Variants in UGT2B11 observed in about 807,000 individuals in gnomAD.
UGT2B11 encodes UDP glucuronosyltransferase family 2 member B11.
Under a neutral mutation model 51.7 loss-of-function variants are expected in UGT2B11, and 49 were observed. That is an observed-to-expected ratio of 0.95 (90% CI 0.75 to 1.20). UGT2B11 has a LOEUF of 1.20. Among genes scored for constraint, UGT2B11 ranks in the 50% most tolerant of loss-of-function variants. UGT2B11 has a pLI of 0.00. For missense variants in UGT2B11, 810 were observed against 622.1 expected (o/e 1.30, Z -3.21); for synonymous variants, 273 against 209.0 (o/e 1.31, Z -2.64).
intron 1 of UGT2B11, 58 bp from the exon 2 acceptor site, chr4:69,212,779 T>C: frequency 1.3e-6 from 2 of 1,550,878 alleles, no homozygotes; most frequent in Non-Finnish European, 1.7e-6. Flanking sequence ...TTTACATACC[T>C]TTCTGAAAAA....
At chr4:69,220,355 CTGTT>C in the UGT2B11 span, among the ~76,000 whole-genome samples, 1 of 152,008 alleles carries the variant, frequency 6.6e-6, no homozygotes, top group Non-Finnish European at 1.5e-5. Flanking sequence ...ATGGTCTAAA[CTGTT>C]TGTGGATGTA....
intron 2 of UGT2B11, among the ~76,000 whole-genome samples, chr4:69,209,152 GA>G (rs1379616407): frequency 7.3e-5 from 11 of 151,702 alleles, no homozygotes; most frequent in African/African-American, 2.7e-4. Context: ...GAATTTTTAT[GA>G]ATCAGTCTTG....
chr4:69,209,711 C>T lies in UGT2B11; in HGVS notation c.871-1229G>A, dbSNP rs527371869. Among the ~76,000 whole-genome samples the T allele has an allele frequency of 8.5e-3, 1,283 of 151,538 alleles. 19 individuals carry two copies. Among genetic ancestry groups the T allele is most frequent in the African/African-American group, 0.029 (1,196 of 41,420 alleles). On this transcript the variant is annotated intron_variant, in intron 2 of 5. Coordinates refer to ENST00000446444, the MANE Select transcript of UGT2B11 (RefSeq NM_001073.3). Reference sequence around the variant, plus strand: ...TAATACCTGGGGCTTCTAGGTGTTGCGTGTGATTGCAGTTACCTGTAGCCA... The same window carrying T: ...TAATACCTGGGGCTTCTAGGTGTTGTGTGTGATTGCAGTTACCTGTAGCCA...
At chr4:69,223,204 A>C in the UGT2B11 span, among the ~76,000 whole-genome samples, 1 of 152,172 alleles carries the variant, frequency 6.6e-6, no homozygotes, top group Non-Finnish European at 1.5e-5. Flanking sequence ...GAAGACAATC[A>C]GCCACTTCTT....
At chr4:69,216,463 C>T (rs930471024), upstream of UGT2B11, 1 of 151,658 alleles carries the variant, frequency 6.6e-6, no homozygotes, top group Non-Finnish European at 1.5e-5. Context: ...AGGATGGAAG[C>T]TGAAGGTGAC....
At chr4:69,222,279 G>T in the UGT2B11 span, among the ~76,000 whole-genome samples, 2 of 152,246 alleles carry the variant, frequency 1.3e-5, no homozygotes, top group East Asian at 3.8e-4. Flanking sequence ...AAATAAGTTG[G>T]CCTTCAACGG....
the UGT2B11 span, among the ~76,000 whole-genome samples, chr4:69,220,740 A>T: frequency 0.15 from 23,370 of 151,406 alleles, 1,905 homozygotes; most frequent in East Asian, 0.19. Context: ...TCATTCTCTT[A>T]TTTCTTTGAC....
Position 69,205,543 on chromosome 4 carries a change from T to C in UGT2B11, c.1027A>G (p.Lys343Glu), listed in dbSNP as rs747953091. 20 of 1,610,470 alleles carry C rather than the reference T, an allele frequency of 1.2e-5. No individual in the cohort carries two copies. The South Asian group carries it at 2.1e-4, about 17-fold the overall frequency. ...QKVLWRFDGN[K>E]PDALGLNTRL... Reference sequence around the variant, plus strand: ...GTATTGAGACCTAAGGCATCTGGTTTATTCCCGTCAAATCTCCACAGAACC... The same window carrying C: ...GTATTGAGACCTAAGGCATCTGGTTCATTCCCGTCAAATCTCCACAGAACC... Residue 343 changes from lysine (K) to glutamate (E), a missense_variant, in exon 4 of 6, where the codon AAA (lysine) becomes GAA (glutamate). Physicochemically the swap from Lys to Glu is moderately conservative, Grantham distance 56 (BLOSUM62 1). Transcript: ENST00000446444.
intron 5 of UGT2B11, 110 bp from the exon 6 acceptor site, chr4:69,200,829 A>G (rs1721630700): frequency 4.8e-6 from 6 of 1,240,396 alleles, no homozygotes; most frequent in Non-Finnish European, 6.4e-6. Flanking sequence ...TAAATGTCAA[A>G]GAATTGACAG....
intron 3 of UGT2B11, among the ~76,000 whole-genome samples, chr4:69,206,036 T>C (rs1721843304): frequency 6.6e-6 from 1 of 151,578 alleles, no homozygotes; most frequent in African/African-American, 2.4e-5. Context: ...GGAATGTAAG[T>C]TAGTTCAACC....
chr4:69,201,227 A>G (rs1158974029), intron 5 of UGT2B11: 4 of 152,200 alleles, frequency 2.6e-5, no homozygotes, highest in African/African-American at 7.2e-5. Context: ...AAGAAAGACT[A>G]TGAAAATGCG....
At chr4:69,211,375 A>G (rs1402550372) in intron 2 of UGT2B11, among the ~76,000 whole-genome samples, 1 of 151,498 alleles carries the variant, frequency 6.6e-6, no homozygotes, top group Non-Finnish European at 1.5e-5. Flanking sequence ...TGGTATGTAT[A>G]ATTTTAATCA....
chr4:69,221,167 A>G, the UGT2B11 span, among the ~76,000 whole-genome samples: 1 of 152,236 alleles, frequency 6.6e-6, no homozygotes, highest in Non-Finnish European at 1.5e-5. Flanking sequence ...CCATTTAGGC[A>G]TGATAGGCTG....
intron 2 of UGT2B11, among the ~76,000 whole-genome samples, chr4:69,211,465 G>A (rs994152215): frequency 3.3e-5 from 5 of 151,530 alleles, no homozygotes; most frequent in African/African-American, 1.2e-4. Flanking sequence ...TCTCTTAAAT[G>A]AGGAATGATA....
Position 69,200,309 on chromosome 4 carries a change from A to G in UGT2B11, c.*131T>C, listed in dbSNP as rs62298915. 2 of 934,494 alleles carry G rather than the reference A, an allele frequency of 2.1e-6. No individual in the cohort carries two copies. Among genetic ancestry groups the G allele is most frequent in the South Asian group, 7.3e-5 (2 of 27,424 alleles). 57.9% of individuals were successfully genotyped at this position (934,494 alleles called of 1,614,324 possible). On this transcript the variant is annotated 3_prime_UTR_variant, in exon 6 of 6. Coordinates refer to ENST00000446444, the MANE Select transcript of UGT2B11 (RefSeq NM_001073.3). ...ATTTTTACTTGACAAGGTAGATTTG[A>G]AAATTTTTTTTTTTTTTTTTTTTTT...
At chr4:69,212,869 A>C (rs1722126839) in intron 1 of UGT2B11, 148 bp from the exon 2 acceptor site, 10 of 692,640 alleles carry the variant, frequency 1.4e-5, no homozygotes, top group South Asian at 1.4e-4. Flanking sequence ...ATAATATATT[A>C]TTATGTATTA....
At chr4:69,216,963 G>A, upstream of UGT2B11, among the ~76,000 whole-genome samples, 1 of 151,950 alleles carries the variant, frequency 6.6e-6, no homozygotes, top group Non-Finnish European at 1.5e-5. Context: ...TTTTCTCTAT[G>A]TATTTTCACA....
Position 69,211,777 on chromosome 4 carries a change from T to C in UGT2B11, c.870+796A>G, listed in dbSNP as rs530200366. On this transcript the variant is annotated intron_variant, in intron 2 of 5. Transcript: ENST00000446444. ...ACAGTGTGGCCCTTCTGTAATTTAA[T>C]CCATTGAATATCTTGGAGGCTTTTC... 1.2e-4 allele frequency among the ~76,000 whole-genome samples: 18 copies of C among 151,646 alleles called. No individual in the cohort carries two copies. The East Asian group carries it at 2.9e-3, about 25-fold the overall frequency.
intron 2 of UGT2B11, among the ~76,000 whole-genome samples, chr4:69,211,970 A>C (rs1244234977): frequency 6.6e-6 from 1 of 151,408 alleles, no homozygotes; most frequent in Non-Finnish European, 1.5e-5. Context: ...AGGACTTGAG[A>C]ACTGTCCTGA....
Sources: allele counts gnomAD v4.1 joint callset (sites outside exome capture counted in the v4.1 genomes callset), GRCh38; gene constraint gnomAD v4.1.1; transcripts MANE v1.5; gene names NCBI Gene and HGNC (gene_info 2026-07-23, HGNC 2026-07-21).